Variants in BSPRY observed in about 807,000 individuals in gnomAD.
The protein encoded by BSPRY is B-box and SPRY domain containing.
Under a neutral mutation model 38.0 loss-of-function variants are expected in BSPRY, and 33 were observed. That is an observed-to-expected ratio of 0.87 (90% CI 0.66 to 1.16). BSPRY has a LOEUF of 1.16. BSPRY is among the 50% of genes most tolerant of loss of function. The probability of loss-of-function intolerance (pLI) is 0.00; values close to 1 mark genes in which losing one functional copy is unlikely to be tolerated. For synonymous variants in BSPRY, 224 were observed against 228.5 expected (o/e 0.98, Z 0.18); for missense variants, 523 against 533.2 (o/e 0.98, Z 0.19).
Position 113,368,291 on chromosome 9 carries a change from A to G in BSPRY, c.590A>G (p.Gln197Arg). The change falls in exon 5 of 6, where the codon CAG becomes CGG. Residue 197 changes from glutamine (Q) to arginine (R), a missense_variant. By Grantham distance (43) the Gln-to-Arg change is conservative. Coordinates refer to ENST00000374183, the MANE Select transcript of BSPRY (RefSeq NM_017688.3). ...TEEAEGILDP[Q>R]ESEMLNFNEK... ...GAAGCAGAGGGCATTTTGGATCCCC[A>G]GGAGTCGGAAATGTTAAACTTTAAT... 1.2e-6 allele frequency: 2 copies of G among 1,614,118 alleles called. No homozygotes were observed. Among genetic ancestry groups the G allele is most frequent in the Non-Finnish European group, 1.7e-6 (2 of 1,179,988 alleles).
At chr9:113,351,932 C>T (rs771002230) in intron 1 of BSPRY, among the ~76,000 whole-genome samples, 1 of 152,160 alleles carries the variant, frequency 6.6e-6, no homozygotes, top group Non-Finnish European at 1.5e-5. Context: ...ACCTCAGCCT[C>T]CCGAGTAGCT....
chr9:113,369,937 G>C lies in BSPRY; in HGVS notation c.1004G>C (p.Arg335Pro), dbSNP rs778338138. The C allele has an allele frequency of 1.2e-6, 2 of 1,614,184 alleles. No homozygotes were observed. Among genetic ancestry groups the C allele is most frequent in the South Asian group, 1.1e-5 (1 of 91,080 alleles). ...WVFSRYDQEF[R>P]FSHNGQHEPL... ...TTCTCTCGCTATGATCAGGAGTTTC[G>C]TTTCTCACACAATGGGCAGCACGAG... Residue 335 changes from arginine to proline, a missense_variant, in exon 6 of 6, where the codon CGT (arginine) becomes CCT (proline). Coordinates refer to ENST00000374183, the MANE Select transcript of BSPRY (RefSeq NM_017688.3).
chr9:113,361,362 AT>A (rs1457302203), intron 3 of BSPRY, among the ~76,000 whole-genome samples: 41 of 152,328 alleles, frequency 2.7e-4, no homozygotes, highest in African/African-American at 7.9e-4. Context: ...GGCACTGATA[AT>A]AGTTTTCTTT....
rs1834022679 is a variant in BSPRY, at chr9:113,354,334, C to T, written c.296C>T (p.Ala99Val). 6.2e-7 allele frequency: 1 copy of T among 1,613,200 alleles called. No individual in the cohort carries two copies. Among genetic ancestry groups the T allele is most frequent in the South Asian group, 1.1e-5 (1 of 91,066 alleles). Residue 99 changes from alanine (A) to valine (V), a missense_variant, in exon 2 of 6, where the codon GCA becomes GTA. Transcript: ENST00000374183. ...GTCCTGCCGGGGAAGAATCAAAGAG[C>T]AGTGGTAATTCCTCTTCTTTCCTCT... ...ADVLPGKNQRAVSMASAAREL... is the reference protein window; with the variant it reads ...ADVLPGKNQRVVSMASAAREL...
Position 113,368,393 on chromosome 9 carries a change from A to T in BSPRY, c.682+10A>T. 6.2e-7 allele frequency: 1 copy of T among 1,613,914 alleles called. No homozygotes were observed. Among genetic ancestry groups the T allele is most frequent in the Non-Finnish European group, 8.5e-7 (1 of 1,179,916 alleles). ...CTTGGGTCTCTCTCAGGTTAGGAGC[A>T]GTAGAGCCCAGGACCATTAGGACAA... On this transcript the variant is annotated intron_variant, in intron 5 of 5. Transcript: ENST00000374183.
rs773005291 is a variant in BSPRY at position 113,369,640 on chromosome 9, A to G, written c.707A>G (p.Glu236Gly). The G allele has an allele frequency of 1.2e-6, 2 of 1,613,740 alleles. No individual in the cohort carries two copies. Among genetic ancestry groups the G allele is most frequent in the South Asian group, 2.2e-5 (2 of 91,042 alleles). The change falls in exon 6 of 6, where the codon GAG (glutamate) becomes GGG (glycine). Residue 236 changes from glutamate to glycine, a missense_variant. Coordinates refer to ENST00000374183, the MANE Select transcript of BSPRY (RefSeq NM_017688.3). ...GGCACAGAGGACATACGGATCGATG[A>G]GAGGACAGTCAGCCCCTTCCTGCAA... Reference protein sequence around the residue: ...LSGTEDIRIDERTVSPFLQLS... With the variant: ...LSGTEDIRIDGRTVSPFLQLS...
At chr9:113,354,832 C>T (rs1372262940) in intron 2 of BSPRY, among the ~76,000 whole-genome samples, 1 of 152,116 alleles carries the variant, frequency 6.6e-6, no homozygotes, top group Non-Finnish European at 1.5e-5. Flanking sequence ...GCTAGTGCTC[C>T]TTCTGCTGCA....
chr9:113,370,238 T>A lies in BSPRY; in HGVS notation c.*96T>A. 4 of 1,421,288 alleles carry A rather than the reference T, an allele frequency of 2.8e-6. No individual in the cohort carries two copies. The highest frequency in any genetic ancestry group is 3.8e-6 in the Non-Finnish European group (4 of 1,055,502). The allele number at this position is 1,421,288 out of a possible 1,614,324, so 88.0% of individuals were successfully genotyped here. A position where few individuals can be genotyped will look rare whatever the true frequency, so the allele number is the denominator to read the frequency against. ...TCCCAAATGATGTGTGTGGTGTTTC[T>A]AAGAGAAACAGGGCCCATAACCAGT... On this transcript the variant is annotated 3_prime_UTR_variant, in exon 6 of 6. Transcript: ENST00000374183. The surrounding 1 kb of genome is among the most constrained non-coding windows in gnomAD (Gnocchi z 4.8).
rs1834020300 is a variant in BSPRY at position 113,354,226 on chromosome 9, T to A, written c.202-14T>A. 6 of 1,606,532 alleles carry A rather than the reference T, an allele frequency of 3.7e-6. No individual in the cohort carries two copies. Among genetic ancestry groups the A allele is most frequent in the Non-Finnish European group, 5.1e-6 (6 of 1,173,520 alleles). On this transcript the variant is annotated splice_polypyrimidine_tract_variant and intron_variant, in intron 1 of 5. Coordinates refer to ENST00000374183, the MANE Select transcript of BSPRY (RefSeq NM_017688.3). Reference sequence around the variant, plus strand: ...ACATGGACCAAGATGCCACAAGCGTTGTTTGTGTTGCAGAACAAGATTGTG... The same window carrying A: ...ACATGGACCAAGATGCCACAAGCGTAGTTTGTGTTGCAGAACAAGATTGTG...
At chr9:113,361,459 G>T (rs1168503439) in intron 3 of BSPRY, among the ~76,000 whole-genome samples, 1 of 152,222 alleles carries the variant, frequency 6.6e-6, no homozygotes, top group East Asian at 1.9e-4. Flanking sequence ...GCTGTCAGCT[G>T]CTCCCAGCCT....
chr9:113,349,733 CG>C lies in BSPRY; in HGVS notation c.159del (p.His54ThrfsTer47), dbSNP rs1276889851. ...CTGCGCGGGGTTGGGCGGTCGCTGC[CG>C]GGGGCACCGCATCCGCCGGGCGGAG... ...AACAGLGGRC[R>X]GHRIRRAEER... On this transcript the variant is annotated frameshift_variant, in exon 1 of 6. Coordinates refer to ENST00000374183, the MANE Select transcript of BSPRY (RefSeq NM_017688.3). LOFTEE classifies it high-confidence loss of function. 4 of 1,239,328 alleles carry C rather than the reference CG, an allele frequency of 3.2e-6. No individual in the cohort carries two copies. The South Asian group carries it at 1.0e-4, about 32-fold the overall frequency. 76.8% of individuals were successfully genotyped at this position (1,239,328 alleles called of 1,614,324 possible).
In BSPRY at chr9:113,349,758, A is replaced by T; in HGVS notation, c.179A>T (p.Glu60Val). The T allele has an allele frequency of 8.1e-7, 1 of 1,235,304 alleles. No individual in the cohort carries two copies. Among genetic ancestry groups the T allele is most frequent in the Admixed American group, 4.3e-5 (1 of 23,146 alleles). 76.5% of individuals were successfully genotyped at this position (1,235,304 alleles called of 1,614,324 possible). A position where few individuals can be genotyped will look rare whatever the true frequency, so the allele number is the denominator to read the frequency against. ...CGGGGGCACCGCATCCGCCGGGCGG[A>T]GGAGCGCGCCGAGGAGCTGCGGGTG... ...RCRGHRIRRA[E>V]ERAEELRNKI... Residue 60 changes from glutamate (E) to valine (V), a missense_variant, in exon 1 of 6, where the codon GAG becomes GTG. Transcript: ENST00000374183.
intron 4 of BSPRY, among the ~76,000 whole-genome samples, chr9:113,365,802 CTTTT>C (rs139762130): frequency 9.4e-6 from 1 of 106,738 alleles, no homozygotes; most frequent in African/African-American, 3.7e-5. Flanking sequence ...GTCACAGCTT[CTTTT>C]TTTTTTTTTT....
intron 1 of BSPRY, 80 bp from the exon 2 acceptor site, chr9:113,354,160 T>C: frequency 8.4e-7 from 1 of 1,194,792 alleles, no homozygotes; most frequent in Non-Finnish European, 1.2e-6. Flanking sequence ...TGACATGTGG[T>C]AACAGGAGAA....
In BSPRY at chr9:113,360,659, C is replaced by A. The variant is rs376929788; in HGVS notation, c.453C>A (p.Ala151=). The change falls in exon 3 of 6, where the codon GCC becomes GCA. Residue 151 remains alanine, a synonymous_variant. Transcript: ENST00000374183. The part of the protein sequence containing the change: ...QSILTQRVHW[A]EALQKLDTIR... ...TCCTGACACAGCGGGTGCACTGGGC[C>A]GAGGCGCTGCAGAAACTTGACACCA... 1 of 1,608,424 alleles carries A rather than the reference C, an allele frequency of 6.2e-7. No homozygotes were observed. Among genetic ancestry groups the A allele is most frequent in the Non-Finnish European group, 8.5e-7 (1 of 1,178,472 alleles).
rs1285527684 is a variant in BSPRY, at chr9:113,369,758, C to T, written c.825C>T (p.Ala275=). Residue 275 remains alanine (A), a synonymous_variant, in exon 6 of 6, where the codon GCC becomes GCT. Transcript: ENST00000374183. ...GPERFDHWPN[A]LAATSFQNGL... is the part of the protein sequence containing the mutation. ...AGCGCTTCGACCACTGGCCCAATGCCCTGGCTGCCACCTCCTTCCAGAATG... is the reference window on the plus strand; with the variant it reads ...AGCGCTTCGACCACTGGCCCAATGCTCTGGCTGCCACCTCCTTCCAGAATG... The T allele has an allele frequency of 1.2e-5, 19 of 1,614,118 alleles. No homozygotes were observed. Among genetic ancestry groups the T allele is most frequent in the Non-Finnish European group, 1.6e-5 (19 of 1,180,040 alleles).
Position 113,368,312 on chromosome 9 carries a change from TTAATGAGA to T in BSPRY, c.612_619del (p.Phe204LeufsTer30). ...CCCCAGGAGTCGGAAATGTTAAACT[TTAATGAGA>T]AGTGCACTCGGAGCCCACTACTGAC... On this transcript the variant is annotated frameshift_variant, in exon 5 of 6. Coordinates refer to ENST00000374183, the MANE Select transcript of BSPRY (RefSeq NM_017688.3). LOFTEE classifies it high-confidence loss of function. The T allele has an allele frequency of 1.2e-6, 2 of 1,614,128 alleles. No individual in the cohort carries two copies. Among genetic ancestry groups the T allele is most frequent in the Non-Finnish European group, 1.7e-6 (2 of 1,180,014 alleles).
rs1833934913 is a variant in BSPRY at position 113,349,621 on chromosome 9, C to T, written c.42C>T (p.Ser14=). The change falls in exon 1 of 6, where the codon TCC becomes TCT. Residue 14 remains serine, a synonymous_variant. Transcript: ENST00000374183. ...EGAEPGPGSG[S]GPGPGPLCPE... is the part of the protein sequence containing the mutation. ...CGGAGCCGGGGCCGGGGTCCGGGTC[C>T]GGGCCCGGGCCGGGGCCACTCTGCC... 2 of 1,201,230 alleles carry T rather than the reference C, an allele frequency of 1.7e-6. No homozygotes were observed. The highest frequency in any genetic ancestry group is 2.1e-6 in the Non-Finnish European group (2 of 968,048). The allele number at this position is 1,201,230 out of a possible 1,614,324, so 74.4% of individuals were successfully genotyped here.
intron 3 of BSPRY, among the ~76,000 whole-genome samples, chr9:113,361,133 C>T (rs558547354): frequency 3.3e-5 from 5 of 152,186 alleles, no homozygotes; most frequent in African/African-American, 1.2e-4. Flanking sequence ...CCCAATGTTT[C>T]CTCTTAGTAA....
Sources: allele counts gnomAD v4.1 joint callset (sites outside exome capture counted in the v4.1 genomes callset), GRCh38; gene constraint gnomAD v4.1.1; non-coding constraint Gnocchi (gnomAD v3.1); transcripts MANE v1.5; gene names NCBI Gene and HGNC (gene_info 2026-07-23, HGNC 2026-07-21).